The following IQGAP3 variants were observed in gnomAD, a reference collection of about 807,000 sequenced individuals.
IQGAP3 encodes ras GTPase-activating-like protein IQGAP3.
Under a neutral mutation model 208.2 loss-of-function variants are expected in IQGAP3, and 165 were observed. That is an observed-to-expected ratio of 0.79 (90% confidence interval 0.70 to 0.90). IQGAP3 has a LOEUF of 0.90. Among genes scored for constraint, IQGAP3 ranks in the 40% least tolerant of loss-of-function variants. The probability of loss-of-function intolerance (pLI) is 0.00; values close to 1 mark genes in which losing one functional copy is unlikely to be tolerated. For missense variants in IQGAP3, 1,811 were observed against 2,043.1 expected (o/e 0.89, Z 2.19); for synonymous variants, 703 against 803.6 (o/e 0.87, Z 2.12).
chr1:156,527,537 C>T (rs1306278612), intron 37 of IQGAP3, among the ~76,000 whole-genome samples: 2 of 152,130 alleles, frequency 1.3e-5, no homozygotes, highest in African/African-American at 2.4e-5. Context: ...CCAAAAACAC[C>T]GTTGCTTCAC....
intron 12 of IQGAP3, among the ~76,000 whole-genome samples, chr1:156,554,779 C>T (rs754206634): frequency 3.9e-5 from 6 of 152,002 alleles, no homozygotes; most frequent in African/African-American, 9.7e-5. Flanking sequence ...CTGTATTAGC[C>T]GGGTGCAGTG....
chr1:156,551,657 G>A (rs747858502), intron 15 of IQGAP3, 48 bp downstream of exon 15: 4 of 1,562,400 alleles, frequency 2.6e-6, no homozygotes. Flanking sequence ...AACCCACAGA[G>A]AATGTTCTTC....
At position 156,555,128 on chromosome 1, in the gene IQGAP3, C is replaced by T. The variant is rs577898053; in HGVS notation, c.1291-736G>A. 2.0e-5 allele frequency among the ~76,000 whole-genome samples: 3 copies of T among 152,302 alleles called. No individual in the cohort carries two copies. In the East Asian group the frequency reaches 5.8e-4, roughly 29 times the overall value. ...AGATGGAGTGGTCGCCTCCACACTG[C>T]ACTGCACCGCACACCCAAGAAGCTC... On this transcript the variant is annotated intron_variant, in intron 12 of 37. Coordinates refer to ENST00000361170, the MANE Select transcript of IQGAP3 (RefSeq NM_178229.5).
At chr1:156,547,721 T>C (rs2102400275) in intron 19 of IQGAP3, among the ~76,000 whole-genome samples, 1 of 152,380 alleles carries the variant, frequency 6.6e-6, no homozygotes, top group East Asian at 1.9e-4. Context: ...AACATGTTCT[T>C]ACCTACCTCC....
intron 5 of IQGAP3, 49 bp from the exon 6 acceptor site, chr1:156,563,873 G>A (rs1571362693): frequency 1.3e-6 from 2 of 1,505,954 alleles, no homozygotes; most frequent in Non-Finnish European, 1.8e-6. Context: ...TATTCATTTT[G>A]ACACTCTGCC....
Position 156,563,199 on chromosome 1 carries a change from C to A in IQGAP3, c.733G>T (p.Ala245Ser), listed in dbSNP as rs750615377. The change falls in exon 8 of 38, where the codon GCA becomes TCA. Residue 245 changes from alanine to serine, a missense_variant. By Grantham distance (99) the Ala-to-Ser change is moderately conservative. Coordinates refer to ENST00000361170, the MANE Select transcript of IQGAP3 (RefSeq NM_178229.5). ...ALLENLREPL[A>S]AVYQEMLAQA... ...GCCAGCATCTCTTGGTAGACGGCTGCCAGAGGCTCTCGGAGATTCTCCAGA... is the reference window on the plus strand; with the variant it reads ...GCCAGCATCTCTTGGTAGACGGCTGACAGAGGCTCTCGGAGATTCTCCAGA... 1 of 1,613,028 alleles carries A rather than the reference C, an allele frequency of 6.2e-7. No homozygotes were observed. The highest frequency in any genetic ancestry group is 8.5e-7 in the Non-Finnish European group (1 of 1,179,150).
chr1:156,567,025 G>A (rs763070410), intron 2 of IQGAP3, among the ~76,000 whole-genome samples: 2 of 151,850 alleles, frequency 1.3e-5, no homozygotes, highest in Admixed American at 6.6e-5. Context: ...ACCCCACCAC[G>A]CCCAGCTAAT....
At chr1:156,532,859 C>T (rs1674476584) in intron 32 of IQGAP3, 121 bp downstream of exon 32, 1 of 1,062,934 alleles carries the variant, frequency 9.4e-7, no homozygotes, top group Non-Finnish European at 1.4e-6. Context: ...TCAGGGAGAA[C>T]TTCCTGAAGG....
At chr1:156,537,044 A>G in intron 27 of IQGAP3, 137 bp downstream of exon 27, 1 of 897,652 alleles carries the variant, frequency 1.1e-6, no homozygotes, top group Non-Finnish European at 1.7e-6. Flanking sequence ...TCTCTTCAGG[A>G]ACCCCTCTGA....
chr1:156,546,445 C>T (rs1675249629), intron 19 of IQGAP3, among the ~76,000 whole-genome samples: 1 of 152,160 alleles, frequency 6.6e-6, no homozygotes, highest in African/African-American at 2.4e-5. Flanking sequence ...TGTGGTTTTT[C>T]ATCGCCTTAG....
chr1:156,560,782 T>C (rs552866492), intron 11 of IQGAP3, 152 bp downstream of exon 11: 3 of 569,374 alleles, frequency 5.3e-6, no homozygotes, highest in African/African-American at 1.8e-5. Flanking sequence ...GCAGCAGGAA[T>C]AAAGCAGATT....
In IQGAP3 at chr1:156,563,706, C is replaced by T. The variant is rs1385886153; in HGVS notation, c.506-40G>A. 2.5e-6 allele frequency: 4 copies of T among 1,608,156 alleles called. No homozygotes were observed. The African/African-American group carries it at 4.0e-5, about 16-fold the overall frequency. ...CAGGTGCCCTTCATCAGGCCCAGAA[C>T]CCCCAAGACCCTGCCCAGGCTGTGG... On this transcript the variant is annotated intron_variant, in intron 6 of 37. Coordinates refer to ENST00000361170, the MANE Select transcript of IQGAP3 (RefSeq NM_178229.5).
chr1:156,528,510 G>A lies in IQGAP3; in HGVS notation c.4672C>T (p.His1558Tyr). Residue 1558 changes from histidine to tyrosine, a missense_variant and splice_region_variant, in exon 36 of 38, where the codon CAC becomes TAC. Physicochemically the swap from His to Tyr is moderately conservative, Grantham distance 83. Transcript: ENST00000361170. The stretch of plus-strand genomic sequence containing the variant: ...ATCCTGCCCTCCAAAGACACATACT[G>A]AGAGGCGGGAAGATCTTCAATTTCC... ...LVEIEDLPAS[H>Y]FRNVIFDITP... 6.2e-7 allele frequency: 1 copy of A among 1,611,040 alleles called. No homozygotes were observed. Among genetic ancestry groups the A allele is most frequent in the Non-Finnish European group, 8.5e-7 (1 of 1,177,346 alleles).
chr1:156,571,192 C>G (rs1442395608), intron 1 of IQGAP3, among the ~76,000 whole-genome samples: 19 of 152,176 alleles, frequency 1.2e-4, no homozygotes. Context: ...TACAGTCTCC[C>G]TTAATCCTTC....
Position 156,548,129 on chromosome 1 carries a change from A to G in IQGAP3, c.2248T>C (p.Phe750Leu). The change falls in exon 19 of 38, where the codon TTT (phenylalanine) becomes CTT (leucine). Residue 750 changes from phenylalanine to leucine, a missense_variant. Phe to Leu is a conservative substitution (Grantham distance 22, BLOSUM62 0). Transcript: ENST00000361170. Reference sequence around the variant, plus strand: ...CTCAGAAAGTGGGAATGCTCAGCAAACTTCTGCCGAACTAGGAAGCCACGG... The same window carrying G: ...CTCAGAAAGTGGGAATGCTCAGCAAGCTTCTGCCGAACTAGGAAGCCACGG... ...RLRGFLVRQK[F>L]AEHSHFLRTW... 1 of 1,613,910 alleles carries G rather than the reference A, an allele frequency of 6.2e-7. No individual in the cohort carries two copies.
intron 19 of IQGAP3, 33 bp from the exon 20 acceptor site, chr1:156,544,505 A>G (rs371682107): frequency 5.4e-5 from 85 of 1,573,968 alleles, no homozygotes; most frequent in Non-Finnish European, 7.1e-5. Flanking sequence ...AAGTAACTCA[A>G]GCAGGTCTCC....
chr1:156,530,943 G>A (rs891211724), intron 33 of IQGAP3, among the ~76,000 whole-genome samples: 10 of 152,202 alleles, frequency 6.6e-5, no homozygotes, highest in African/African-American at 2.4e-4. Context: ...GAAGTGGGGA[G>A]AGGGGTGGGG....
At position 156,528,051 on chromosome 1, in the gene IQGAP3, G is replaced by A. The variant is rs559004962; in HGVS notation, c.4683C>T (p.Asn1561=). The A allele has an allele frequency of 2.0e-4, 324 of 1,613,628 alleles. 3 individuals are homozygous for A. In the South Asian group the frequency reaches 3.2e-3, roughly 16 times the overall value. ...IEDLPASHFR[N]VIFDITPGDE... ...CTCCCGGCGTGATGTCAAAGATGAC[G>A]TTTCTGAAGCTGTCAGGAACAGGAT... is the stretch of plus-strand genomic sequence containing the variant. The change falls in exon 37 of 38, where the codon AAC becomes AAT. Residue 1561 remains asparagine, a synonymous_variant. Coordinates refer to ENST00000361170, the MANE Select transcript of IQGAP3 (RefSeq NM_178229.5).
chr1:156,561,792 C>T, intron 10 of IQGAP3, 46 bp downstream of exon 10: 2 of 1,589,778 alleles, frequency 1.3e-6, no homozygotes, highest in Non-Finnish European at 1.7e-6. Context: ...CCTCTCCTAT[C>T]CTATAGTCAC....
Sources: gnomAD v4.1 joint callset for allele counts (sites outside exome capture counted in the v4.1 genomes callset) on GRCh38, gnomAD v4.1.1 for gene constraint, MANE v1.5 for transcripts, NCBI Gene and HGNC (gene_info 2026-07-23, HGNC 2026-07-21) for gene names.